CTNNA3: variants seen among roughly 807,000 people sequenced by gnomAD.
The protein encoded by CTNNA3 is catenin alpha 3, also known as catenin alpha-3.
In CTNNA3, 76 loss-of-function variants were observed where a neutral mutation model predicts 95.7. The ratio of observed to expected loss-of-function variants is 0.79; its 90% CI spans 0.66 to 0.96. The LOEUF is 0.96. Among genes scored for constraint, CTNNA3 ranks in the 40% least tolerant of loss-of-function variants. The pLI, the probability that CTNNA3 is intolerant of heterozygous loss-of-function variation, is 0.00. For synonymous variants in CTNNA3, 431 were observed against 374.4 expected (o/e 1.15, Z -1.74); for missense variants, 1,191 against 1,089.8 (o/e 1.09, Z -1.31).
At chr10:66,433,403 TAAC>T (rs2093312866) in intron 11 of CTNNA3, among the ~76,000 whole-genome samples, 2 of 152,254 alleles carry the variant, frequency 1.3e-5, no homozygotes, top group African/African-American at 4.8e-5. Flanking sequence ...TGATCAGTGA[TAAC>T]AAGCTTTTTT....
At chr10:66,782,285 A>G (rs1840566983) in intron 7 of CTNNA3, among the ~76,000 whole-genome samples, 1 of 152,192 alleles carries the variant, frequency 6.6e-6, no homozygotes, top group Admixed American at 6.5e-5. Flanking sequence ...AGTTATTATT[A>G]GACATATCAT....
At chr10:66,554,940 G>T (rs1842344751) in intron 10 of CTNNA3, among the ~76,000 whole-genome samples, 1 of 151,778 alleles carries the variant, frequency 6.6e-6, no homozygotes, top group Non-Finnish European at 1.5e-5. Context: ...TAGTTTTACT[G>T]CATACTTGGC....
At chr10:66,920,704 C>T (rs1012084475) in intron 7 of CTNNA3, among the ~76,000 whole-genome samples, 2 of 152,170 alleles carry the variant, frequency 1.3e-5, no homozygotes, top group East Asian at 3.9e-4. Flanking sequence ...CAGATTTAAT[C>T]CAAATGTGTT....
chr10:66,448,217 A>C (rs2093437398), intron 11 of CTNNA3, among the ~76,000 whole-genome samples: 1 of 152,156 alleles, frequency 6.6e-6, no homozygotes, highest in African/African-American at 2.4e-5. Context: ...GAACACTTTT[A>C]CACTGTTGGT....
intron 13 of CTNNA3, among the ~76,000 whole-genome samples, chr10:66,213,577 A>G (rs1202167540): frequency 6.6e-6 from 1 of 152,154 alleles, no homozygotes; most frequent in Non-Finnish European, 1.5e-5. Context: ...GAGCTAAGCT[A>G]ATGAGAAGAA....
chr10:66,647,079 G>A (rs182904239), intron 9 of CTNNA3, among the ~76,000 whole-genome samples: 63 of 152,192 alleles, frequency 4.1e-4, no homozygotes, highest in African/African-American at 1.3e-3. Flanking sequence ...ATATGTAAAT[G>A]GACAAAATTC....
chr10:66,996,214 T>G (rs930057704), intron 7 of CTNNA3, among the ~76,000 whole-genome samples: 1 of 152,200 alleles, frequency 6.6e-6, no homozygotes, highest in Admixed American at 6.5e-5. Flanking sequence ...TATTATATAA[T>G]TAGAGATGTT....
At chr10:65,950,922 CT>C (rs1447281334) in intron 17 of CTNNA3, among the ~76,000 whole-genome samples, 1 of 150,808 alleles carries the variant, frequency 6.6e-6, no homozygotes, top group Non-Finnish European at 1.5e-5. Context: ...ATTTTTTTTT[CT>C]ATCTCTGTAA....
chr10:66,720,570 C>T (rs1017364436), intron 9 of CTNNA3, among the ~76,000 whole-genome samples: 19 of 152,228 alleles, frequency 1.2e-4, no homozygotes, highest in Non-Finnish European at 2.2e-4. Context: ...CAGTGGCTCA[C>T]GCCTATAATT....
intron 10 of CTNNA3, among the ~76,000 whole-genome samples, chr10:66,573,304 C>G (rs550430629): frequency 6.6e-6 from 1 of 152,242 alleles, no homozygotes; most frequent in South Asian, 2.1e-4. Flanking sequence ...TGCATTATTT[C>G]TGAATAAGCA....
intron 1 of CTNNA3, among the ~76,000 whole-genome samples, chr10:67,743,549 T>C (rs1243422303): frequency 1.3e-5 from 2 of 151,368 alleles, no homozygotes; most frequent in African/African-American, 4.8e-5. Context: ...AATATCATAA[T>C]GAATGGGCAA....
rs2077052070 is a variant in CTNNA3 at position 65,919,624 on chromosome 10, A to C, written c.*706T>G. 1 of 152,224 alleles carries C rather than the reference A, an allele frequency of 6.6e-6. No homozygotes were observed. Among genetic ancestry groups the C allele is most frequent in the Non-Finnish European group, 1.5e-5 (1 of 68,048 alleles). The allele number at this position is 152,224 out of a possible 1,614,324, so 9.4% of individuals were successfully genotyped here. A position where few individuals can be genotyped will look rare whatever the true frequency, so the allele number is the denominator to read the frequency against. ...GAACTCTCTAACACATTGGAAACCCAAAAGGTGAGTATGTGGCATCAGAAC... is the reference window on the plus strand; with the variant it reads ...GAACTCTCTAACACATTGGAAACCCCAAAGGTGAGTATGTGGCATCAGAAC... On this transcript the variant is annotated 3_prime_UTR_variant, in exon 18 of 18. Coordinates refer to ENST00000433211, the MANE Select transcript of CTNNA3 (RefSeq NM_013266.4).
chr10:67,732,694 G>A (rs544205404), intron 1 of CTNNA3, among the ~76,000 whole-genome samples: 3 of 152,238 alleles, frequency 2.0e-5, no homozygotes, highest in East Asian at 1.9e-4. Context: ...AATAGGGTAT[G>A]AAATTAGATA....
intron 13 of CTNNA3, among the ~76,000 whole-genome samples, chr10:66,141,931 C>T (rs1299181518): frequency 1.3e-5 from 2 of 152,088 alleles, no homozygotes; most frequent in Non-Finnish European, 2.9e-5. Flanking sequence ...ATGTCTTTCG[C>T]AATTATTGTC....
intron 3 of CTNNA3, among the ~76,000 whole-genome samples, chr10:67,602,055 A>G (rs1843099948): frequency 1.3e-5 from 2 of 152,196 alleles, no homozygotes; most frequent in South Asian, 4.2e-4. Flanking sequence ...AATTGGTCTC[A>G]AAATTCTTAA....
rs1310711521 is a variant in CTNNA3 at position 67,056,477 on chromosome 10, A to G, written c.1047+123840T>C. Among the ~76,000 whole-genome samples, 3 of 152,158 alleles carry G rather than the reference A, an allele frequency of 2.0e-5. No individual in the cohort carries two copies. The East Asian group carries it at 5.8e-4, about 29-fold the overall frequency. ...TCATGAGGGTCTCTCAAATTGTATA[A>G]GCTTCAGGCTTGTGAAACCAAGATC... On this transcript the variant is annotated intron_variant, in intron 7 of 17. Coordinates refer to ENST00000433211, the MANE Select transcript of CTNNA3 (RefSeq NM_013266.4).
chr10:67,151,310 C>G (rs1861081702), intron 7 of CTNNA3, among the ~76,000 whole-genome samples: 1 of 150,836 alleles, frequency 6.6e-6, no homozygotes, highest in Admixed American at 6.6e-5. Context: ...ATCAAATTTT[C>G]CAGCACTGTG....
chr10:66,035,685 T>C (rs2079547388), intron 15 of CTNNA3, among the ~76,000 whole-genome samples: 1 of 152,058 alleles, frequency 6.6e-6, no homozygotes, highest in Non-Finnish European at 1.5e-5. Flanking sequence ...GATTTTCTTT[T>C]ACTTTGGGGG....
chr10:66,429,949 G>A (rs1005382741), intron 11 of CTNNA3, among the ~76,000 whole-genome samples: 2 of 150,388 alleles, frequency 1.3e-5, no homozygotes, highest in African/African-American at 4.9e-5. Flanking sequence ...ATTAGGAAAA[G>A]AGGAAGACAA....
Sources: allele counts gnomAD v4.1 joint callset (sites outside exome capture counted in the v4.1 genomes callset), GRCh38; gene constraint gnomAD v4.1.1; transcripts MANE v1.5; gene names NCBI Gene and HGNC (gene_info 2026-07-23, HGNC 2026-07-21).